Variants in ABCA13 observed in about 807,000 individuals in gnomAD.
ABCA13 encodes ATP binding cassette subfamily A member 13, also known as ATP-binding cassette sub-family A member 13.
In ABCA13, 476 loss-of-function variants were observed where a neutral mutation model predicts 478.7. The ratio of observed to expected loss-of-function variants is 0.99; its 90% CI spans 0.92 to 1.07. The LOEUF (loss-of-function observed/expected upper bound fraction) is 1.07, where lower values mean the gene tolerates loss of function less well. ABCA13 is among the 50% of genes least tolerant of loss of function. The pLI is 0.00. For synonymous variants in ABCA13, 2,252 were observed against 2,158.9 expected (o/e 1.04, Z -1.20); for missense variants, 6,060 against 5,910.6 (o/e 1.03, Z -0.83).
chr7:48,203,247 AGCTGGCCCGCAAGCGCCGCAC>A (rs1799100683), intron 3 of ABCA13, among the ~76,000 whole-genome samples: 1 of 152,064 alleles, frequency 6.6e-6, no homozygotes, highest in Admixed American at 6.5e-5. Context: ...CCGGAACTCC[AGCTGGCCCGCAAGCGCCGCAC>A]GCAGCCCCGG....
At chr7:48,211,639 G>A (rs575939975) in intron 3 of ABCA13, among the ~76,000 whole-genome samples, 1 of 152,196 alleles carries the variant, frequency 6.6e-6, no homozygotes, top group African/African-American at 2.4e-5. Context: ...GGCTGCTGCT[G>A]ATGTTTATTC....
intron 58 of ABCA13, among the ~76,000 whole-genome samples, chr7:48,607,057 A>G (rs1280345365): frequency 1.3e-5 from 2 of 152,152 alleles, no homozygotes; most frequent in Non-Finnish European, 2.9e-5. Context: ...CCCTCTCCCA[A>G]CCAAGCTTGA....
At chr7:48,243,141 C>T (rs1308910721) in intron 10 of ABCA13, 2 of 152,300 alleles carry the variant, frequency 1.3e-5, no homozygotes, top group East Asian at 1.9e-4. Flanking sequence ...CCTTCAATGT[C>T]GCACGTTGTT....
At chr7:48,382,103 G>C (rs1043951737) in intron 35 of ABCA13, among the ~76,000 whole-genome samples, 9 of 152,068 alleles carry the variant, frequency 5.9e-5, no homozygotes, top group African/African-American at 2.2e-4. Flanking sequence ...TGTCTTTCAC[G>C]TTTGTTTCTA....
At chr7:48,364,197 A>G (rs1004997413) in intron 31 of ABCA13, among the ~76,000 whole-genome samples, 1 of 152,090 alleles carries the variant, frequency 6.6e-6, no homozygotes, top group African/African-American at 2.4e-5. Flanking sequence ...AAACATATGG[A>G]TTTCTCACAT....
At position 48,436,521 on chromosome 7, in the gene ABCA13, A is replaced by G. The variant is rs532422521; in HGVS notation, c.12565+8650A>G. ...TGTTTTTCAACTTTGTATTTTATTC[A>G]TCTCTGCTTTAGTATTTACTCCATT... is the stretch of plus-strand genomic sequence containing the variant. On this transcript the variant is annotated intron_variant, in intron 42 of 61. Transcript: ENST00000435803. Among the ~76,000 whole-genome samples the G allele has an allele frequency of 5.9e-5, 9 of 151,576 alleles. No individual in the cohort carries two copies. The South Asian group carries it at 1.7e-3, about 28-fold the overall frequency.
intron 46 of ABCA13, among the ~76,000 whole-genome samples, chr7:48,482,528 C>T (rs1026494498): frequency 6.6e-6 from 1 of 151,154 alleles, no homozygotes; most frequent in East Asian, 2.0e-4. Context: ...CAGGTGCCTG[C>T]CACCATGCCC....
At chr7:48,425,521 C>T (rs975541783) in intron 41 of ABCA13, among the ~76,000 whole-genome samples, 2 of 152,082 alleles carry the variant, frequency 1.3e-5, no homozygotes, top group East Asian at 1.9e-4. Context: ...CCTCAGTGCC[C>T]TCATCTTAAG....
intron 44 of ABCA13, among the ~76,000 whole-genome samples, chr7:48,468,845 C>T (rs927726201): frequency 1.1e-4 from 17 of 152,138 alleles, no homozygotes; most frequent in Admixed American, 8.5e-4. Flanking sequence ...CCCTCTCATA[C>T]GAAGACAATG....
intron 29 of ABCA13, among the ~76,000 whole-genome samples, chr7:48,344,215 C>T (rs954994106): frequency 2.6e-5 from 4 of 152,194 alleles, no homozygotes; most frequent in African/African-American, 9.7e-5. Flanking sequence ...CTGGTCACAG[C>T]TACTGCCACC....
In ABCA13 at chr7:48,456,774, C is replaced by T. The variant is rs1462388112; in HGVS notation, c.12815+1488C>T. 2.0e-5 allele frequency among the ~76,000 whole-genome samples: 3 copies of T among 151,564 alleles called. No homozygotes were observed. The East Asian group carries it at 5.8e-4, about 30-fold the overall frequency. ...AGGCACATTAATTTATTTAGACAGTCTCTTTTTGGGGGCATATAAAGGTTT... is the reference window on the plus strand; with the variant it reads ...AGGCACATTAATTTATTTAGACAGTTTCTTTTTGGGGGCATATAAAGGTTT... On this transcript the variant is annotated intron_variant, in intron 43 of 61. Transcript: ENST00000435803.
chr7:48,203,305 C>T (rs1258161902), intron 3 of ABCA13, among the ~76,000 whole-genome samples: 1 of 152,224 alleles, frequency 6.6e-6, no homozygotes, highest in Non-Finnish European at 1.5e-5. Flanking sequence ...TCCCTCCACA[C>T]CTCCCCGCAA....
intron 43 of ABCA13, among the ~76,000 whole-genome samples, chr7:48,460,153 G>T (rs1826092749): frequency 6.6e-6 from 1 of 152,180 alleles, no homozygotes; most frequent in South Asian, 2.1e-4. Context: ...AGGGCCAGTG[G>T]ATGTATGTGG....
chr7:48,513,336 A>G (rs1488416129), intron 51 of ABCA13, among the ~76,000 whole-genome samples: 1 of 152,204 alleles, frequency 6.6e-6, no homozygotes, highest in Non-Finnish European at 1.5e-5. Context: ...CAAGATAAAC[A>G]TGCCTAATCG....
chr7:48,293,340 C>T (rs1798857793), intron 20 of ABCA13, among the ~76,000 whole-genome samples: 1 of 152,122 alleles, frequency 6.6e-6, no homozygotes, highest in African/African-American at 2.4e-5. Context: ...CTTCCTCTGG[C>T]CACTTGAATG....
intron 45 of ABCA13, among the ~76,000 whole-genome samples, chr7:48,480,213 T>C (rs909838012): frequency 6.6e-6 from 1 of 152,162 alleles, no homozygotes; most frequent in African/African-American, 2.4e-5. Flanking sequence ...TTCCCCTCCA[T>C]ATAACCCCCA....
intron 55 of ABCA13, among the ~76,000 whole-genome samples, chr7:48,530,464 T>C (rs921246459): frequency 5.3e-5 from 8 of 152,152 alleles, no homozygotes; most frequent in Admixed American, 2.0e-4. Flanking sequence ...TGCGCAAATA[T>C]CTTTTTCATA....
At chr7:48,336,927 C>T (rs1286476680) in intron 28 of ABCA13, among the ~76,000 whole-genome samples, 2 of 152,146 alleles carry the variant, frequency 1.3e-5, no homozygotes, top group Non-Finnish European at 2.9e-5. Context: ...ATTATAAGCA[C>T]CAAGTCGAGA....
At position 48,197,228 on chromosome 7, in the gene ABCA13, A is replaced by C. The variant is rs190031703; in HGVS notation, c.164-1009A>C. 3.6e-3 allele frequency among the ~76,000 whole-genome samples: 544 copies of C among 152,314 alleles called. 6 individuals carry two copies. Among genetic ancestry groups the C allele is most frequent in the African/African-American group, 0.012 (515 of 41,574 alleles). On this transcript the variant is annotated intron_variant, in intron 2 of 61. Transcript: ENST00000435803. Reference sequence around the variant, plus strand: ...TGAATGTGAAAACCGCTGTCAGGGCAGCGCTGCCTTTGTGTTCTGGCTTTC... The same window carrying C: ...TGAATGTGAAAACCGCTGTCAGGGCCGCGCTGCCTTTGTGTTCTGGCTTTC...
Sources: allele counts gnomAD v4.1 joint callset (sites outside exome capture counted in the v4.1 genomes callset), GRCh38; gene constraint gnomAD v4.1.1; transcripts MANE v1.5; gene names NCBI Gene and HGNC (gene_info 2026-07-23, HGNC 2026-07-21).